The following SGSH variants were observed in gnomAD, a reference collection of about 807,000 sequenced individuals.
SGSH encodes the protein N-sulfoglucosamine sulfohydrolase, also known as heparan sulfate sulfatase.
A neutral mutation model predicts 51.0 loss-of-function variants in SGSH; 48 were observed. The observed-to-expected ratio is 0.94, with a 90% confidence interval of 0.75 to 1.20. The LOEUF (loss-of-function observed/expected upper bound fraction) is 1.20, where lower values mean the gene tolerates loss of function less well. SGSH is among the 50% of genes most tolerant of loss of function. SGSH has a pLI of 0.00. For missense variants in SGSH, 662 were observed against 717.8 expected (o/e 0.92, Z 0.89); for synonymous variants, 321 against 313.4 (o/e 1.02, Z -0.26).
chr17:80,212,073 A>T lies in SGSH; in HGVS notation c.947T>A (p.Leu316Gln). Reference sequence around the variant, plus strand: ...GACGGAGACAGACAAAGGCATACCTAGGAGGCTCACGTAGGCCTCGCTGAC... The same window carrying T: ...GACGGAGACAGACAAAGGCATACCTTGGAGGCTCACGTAGGCCTCGCTGAC... ...GQVSEAYVSL[L>Q]DLTPTILDWF... Residue 316 changes from leucine (L) to glutamine (Q), a missense_variant and splice_region_variant, in exon 7 of 8, where the codon CTA (leucine) becomes CAA (glutamine). Physicochemically the swap from Leu to Gln is moderately radical, Grantham distance 113. Coordinates refer to ENST00000326317, the MANE Select transcript of SGSH (RefSeq NM_000199.5). The surrounding 1 kb of genome is among the most constrained non-coding windows in gnomAD (Gnocchi z 5.9). 1 of 1,613,014 alleles carries T rather than the reference A, an allele frequency of 6.2e-7. No homozygotes were observed.
At chr17:80,201,854 G>A (rs747461948), downstream of SGSH, 29 of 1,613,592 alleles carry the variant, frequency 1.8e-5, no homozygotes, top group Non-Finnish European at 2.4e-5. The surrounding 1 kb of genome is among the most constrained non-coding windows in gnomAD (Gnocchi z 5.0). Flanking sequence ...GCCTGTCTGT[G>A]AAGGTCAACA....
chr17:80,202,219 CG>C, downstream of SGSH: 1 of 1,613,952 alleles, frequency 6.2e-7, no homozygotes, highest in Non-Finnish European at 8.5e-7. Context: ...GCCAAAGTGG[CG>C]ACCTCGGGGG....
In SGSH at chr17:80,213,740, G is replaced by A. The variant is rs533943166; in HGVS notation, c.745+64C>T. 8.0e-6 allele frequency: 11 copies of A among 1,375,282 alleles called. No homozygotes were observed. Among genetic ancestry groups the A allele is most frequent in the Admixed American group, 3.9e-5 (2 of 51,098 alleles). The allele number at this position is 1,375,282 out of a possible 1,614,324, so 85.2% of individuals were successfully genotyped here. A position where few individuals can be genotyped will look rare whatever the true frequency, so the allele number is the denominator to read the frequency against. ...ACATTATGCCGTGACCTAAGAGGGC[G>A]CTGGCCCAGGATGGGGGACCCCGGC... is the stretch of plus-strand genomic sequence containing the variant. On this transcript the variant is annotated intron_variant, in intron 6 of 7. Transcript: ENST00000326317. The surrounding 1 kb of genome is among the most constrained non-coding windows in gnomAD (Gnocchi z 4.6).
chr17:80,205,276 T>TTCCTC, downstream of SGSH: 1 of 1,036,304 alleles, frequency 9.6e-7, no homozygotes. Flanking sequence ...TCCTCCCTCC[T>TTCCTC]TCCTCCCCTT....
intron 2 of SGSH, among the ~76,000 whole-genome samples, chr17:80,215,872 G>A (rs956385580): frequency 2.0e-5 from 3 of 152,136 alleles, no homozygotes; most frequent in Non-Finnish European, 2.9e-5. Context: ...ACAGCCAAAG[G>A]GTAGCAGCAA....
downstream of SGSH, chr17:80,202,295 T>C (rs145420791): frequency 1.3e-4 from 209 of 1,613,608 alleles, no homozygotes; most frequent in Admixed American, 2.7e-4. Context: ...TGCAGGTGCA[T>C]TGCAACGAGG....
In SGSH at chr17:80,210,325, C is replaced by A; in HGVS notation, c.*127G>T. 2.8e-6 allele frequency: 4 copies of A among 1,443,136 alleles called. No individual in the cohort carries two copies. Among genetic ancestry groups the A allele is most frequent in the Non-Finnish European group, 3.6e-6 (4 of 1,101,380 alleles). The allele number at this position is 1,443,136 out of a possible 1,614,324, so 89.4% of individuals were successfully genotyped here. On this transcript the variant is annotated 3_prime_UTR_variant, in exon 8 of 8. Transcript: ENST00000326317. Reference sequence around the variant, plus strand: ...AGAGTGACCCCACAGGAAGGAAGAACCCTCCTTGGATGGGAGTGTGGACGG... The same window carrying A: ...AGAGTGACCCCACAGGAAGGAAGAAACCTCCTTGGATGGGAGTGTGGACGG...
downstream of SGSH, chr17:80,203,881 G>A (rs143600438): frequency 3.3e-5 from 53 of 1,594,324 alleles, no homozygotes; most frequent in African/African-American, 2.9e-4. This position sits in a 1 kb window ranked among gnomAD's most constrained non-coding sequence, Gnocchi z 4.6. Flanking sequence ...ACCGTGACCC[G>A]CAAGGTGAGG....
chr17:80,209,519 G>A lies in SGSH; in HGVS notation c.*933C>T, dbSNP rs1398042122. Reference sequence around the variant, plus strand: ...AGGAACGGCACATTCTCCCAGCAACGCCGACGTCATCCAAGAATTAACCCA... The same window carrying A: ...AGGAACGGCACATTCTCCCAGCAACACCGACGTCATCCAAGAATTAACCCA... On this transcript the variant is annotated 3_prime_UTR_variant, in exon 8 of 8. Transcript: ENST00000326317. 8 of 985,386 alleles carry A rather than the reference G, an allele frequency of 8.1e-6. No homozygotes were observed. In the African/African-American group the frequency reaches 8.7e-5, roughly 11 times the overall value. The allele number at this position is 985,386 out of a possible 1,614,324, so 61.0% of individuals were successfully genotyped here.
rs908539280 is a variant in SGSH at position 80,211,107 on chromosome 17, T to C, written c.950-96A>G. On this transcript the variant is annotated intron_variant, in intron 7 of 7. Transcript: ENST00000326317. ...CCTACGCCACTCTGGGCGGCTCCCT[T>C]CTCCAATCCAATCAGCAGCGGGAGG... The C allele has an allele frequency of 1.9e-6, 3 of 1,549,852 alleles. No individual in the cohort carries two copies. In the African/African-American group the frequency reaches 4.1e-5, roughly 21 times the overall value.
At chr17:80,214,937 G>C in intron 3 of SGSH, 96 bp downstream of exon 3, 1 of 1,295,210 alleles carries the variant, frequency 7.7e-7, no homozygotes, top group South Asian at 1.2e-5. Context: ...GGCCACGGGG[G>C]CTGAGCGTGC....
chr17:80,217,215 A>G, intron 1 of SGSH, 23 bp from the exon 2 acceptor site: 1 of 1,591,538 alleles, frequency 6.3e-7, no homozygotes, highest in Non-Finnish European at 8.5e-7. Context: ...GGAGACAGAG[A>G]GTGCACGGTC....
At chr17:80,217,448 T>A (rs1233346325) in intron 1 of SGSH, among the ~76,000 whole-genome samples, 1 of 152,102 alleles carries the variant, frequency 6.6e-6, no homozygotes, top group Middle Eastern at 3.2e-3. Context: ...ACTTGGTGGG[T>A]ATGTTAGCAG....
At chr17:80,205,006 A>C (rs1598710784), downstream of SGSH, 1 of 1,524,046 alleles carries the variant, frequency 6.6e-7, no homozygotes, top group Non-Finnish European at 8.8e-7. Context: ...CCGCAGCCTC[A>C]CCCACCCTCA....
chr17:80,211,146 C>T lies in SGSH; in HGVS notation c.950-135G>A, dbSNP rs537686455. The T allele has an allele frequency of 2.4e-5, 37 of 1,522,942 alleles. 1 individual carries two copies. Among genetic ancestry groups the T allele is most frequent in the South Asian group, 1.3e-4 (11 of 82,692 alleles). 94.3% of individuals were successfully genotyped at this position (1,522,942 alleles called of 1,614,324 possible). ...AGCAGCGGGAGGTGCCTTGTCGAGC[C>T]GACACCTCTCACCGCCACGTCATCT... On this transcript the variant is annotated intron_variant, in intron 7 of 7. Coordinates refer to ENST00000326317, the MANE Select transcript of SGSH (RefSeq NM_000199.5).
At chr17:80,206,563 C>A (rs2041323066), downstream of SGSH, among the ~76,000 whole-genome samples, 2 of 152,326 alleles carry the variant, frequency 1.3e-5, no homozygotes, top group African/African-American at 4.8e-5. Context: ...GTCAGGAGAT[C>A]AAGACCATCC....
At chr17:80,205,654 TGAGGTCAAGGGCGG>T (rs1288452612), downstream of SGSH, 6 of 1,554,156 alleles carry the variant, frequency 3.9e-6, no homozygotes, top group Non-Finnish European at 5.2e-6. Context: ...ATGGAAAAGG[TGAGGTCAAGGGCGG>T]GGTGGGCAGG....
chr17:80,202,249 T>G (rs1426824629), downstream of SGSH: 1 of 1,613,814 alleles, frequency 6.2e-7, no homozygotes, highest in African/African-American at 1.3e-5. Context: ...TACATCCGGG[T>G]CAACCTGGCC....
Position 80,213,238 on chromosome 17 carries a change from A to G in SGSH, c.745+566T>C, listed in dbSNP as rs1380053792. 2 of 152,254 alleles carry G rather than the reference A, an allele frequency of 1.3e-5. No homozygotes were observed. Among genetic ancestry groups the G allele is most frequent in the African/African-American group, 2.4e-5 (1 of 41,326 alleles). The allele number at this position is 152,254 out of a possible 1,614,324, so 9.4% of individuals were successfully genotyped here. On this transcript the variant is annotated intron_variant, in intron 6 of 7. Transcript: ENST00000326317. This position sits in a 1 kb window ranked among gnomAD's most constrained non-coding sequence, Gnocchi z 4.6. ...AAGTGGAGACACAAAGAGGAGACAC[A>G]GGAAAAAAGGCCATGTGAAGGCTTC...
Sources: allele counts gnomAD v4.1 joint callset (sites outside exome capture counted in the v4.1 genomes callset), GRCh38; gene constraint gnomAD v4.1.1; non-coding constraint Gnocchi (gnomAD v3.1); transcripts MANE v1.5; gene names NCBI Gene and HGNC (gene_info 2026-07-23, HGNC 2026-07-21).